The following ANKRD44 variants were observed in gnomAD, a reference collection of about 807,000 sequenced individuals.
The protein encoded by ANKRD44 is serine/threonine-protein phosphatase 6 regulatory ankyrin repeat subunit B.
A neutral mutation model predicts 116.0 loss-of-function variants in ANKRD44; 35 were observed. The ratio of observed to expected loss-of-function variants is 0.30; its 90% CI spans 0.23 to 0.40. The LOEUF (loss-of-function observed/expected upper bound fraction) is 0.40. Among genes scored for constraint, ANKRD44 ranks in the 10% least tolerant of loss-of-function variants. The pLI is 1.00. For synonymous variants in ANKRD44, 435 were observed against 461.8 expected (o/e 0.94, Z 0.74); for missense variants, 1,014 against 1,242.6 (o/e 0.82, Z 2.77).
chr2:197,058,222 T>C (rs2077240524), intron 16 of ANKRD44, among the ~76,000 whole-genome samples: 1 of 152,200 alleles, frequency 6.6e-6, no homozygotes, highest in South Asian at 2.1e-4. Flanking sequence ...AAAAAATTTA[T>C]TGAGATTGCC....
At chr2:197,285,957 A>G (rs933335338) in intron 1 of ANKRD44, among the ~76,000 whole-genome samples, 35 of 152,188 alleles carry the variant, frequency 2.3e-4, no homozygotes, top group African/African-American at 7.5e-4. Context: ...CATCTCTCAC[A>G]CAAAATGCCT....
chr2:197,296,971 TTACTC>T (rs1314908045), intron 1 of ANKRD44, among the ~76,000 whole-genome samples: 1 of 152,220 alleles, frequency 6.6e-6, no homozygotes, highest in African/African-American at 2.4e-5. Context: ...TTTATGAAGA[TTACTC>T]TATCAACTTT....
At chr2:196,978,538 A>G (rs986220726) in intron 21 of ANKRD44, among the ~76,000 whole-genome samples, 1 of 152,224 alleles carries the variant, frequency 6.6e-6, no homozygotes, top group African/African-American at 2.4e-5. Flanking sequence ...TATTTCATTT[A>G]CATGAAATGT....
At position 197,201,556 on chromosome 2, in the gene ANKRD44, G is replaced by A. The variant is rs2081091644; in HGVS notation, c.28-14450C>T. Among the ~76,000 whole-genome samples, 1 of 152,104 alleles carries A rather than the reference G, an allele frequency of 6.6e-6. No homozygotes were observed. The highest frequency in any genetic ancestry group is 2.1e-4 in the South Asian group (1 of 4,818). On this transcript the variant is annotated intron_variant, in intron 1 of 27. Transcript: ENST00000282272. The surrounding 1 kb of genome is among the most constrained non-coding windows in gnomAD (Gnocchi z 4.0). ...CCTCACCAACAATCCCCCTGACGTT[G>A]GCTCTGAATGATGTGGAGACCCTGT... is the stretch of plus-strand genomic sequence containing the variant.
intron 1 of ANKRD44, among the ~76,000 whole-genome samples, chr2:197,204,154 G>C (rs937648013): frequency 1.3e-5 from 2 of 152,044 alleles, no homozygotes; most frequent in Non-Finnish European, 2.9e-5. Flanking sequence ...TATTAAAATT[G>C]GCCTTTTGAG....
intron 2 of ANKRD44, among the ~76,000 whole-genome samples, chr2:197,177,779 C>T (rs1260307899): frequency 2.0e-5 from 3 of 152,058 alleles, no homozygotes; most frequent in Admixed American, 1.3e-4. Context: ...TCTATACCCA[C>T]AAATACACAT....
chr2:197,303,602 G>T (rs1049232579), intron 1 of ANKRD44, among the ~76,000 whole-genome samples: 1 of 152,140 alleles, frequency 6.6e-6, no homozygotes, highest in African/African-American at 2.4e-5. Context: ...GGGGAAAATG[G>T]TCTTCTGGTA....
intron 1 of ANKRD44, among the ~76,000 whole-genome samples, chr2:197,247,717 GCAAGA>G (rs1223175784): frequency 6.6e-6 from 1 of 152,188 alleles, no homozygotes. Context: ...CACAATGGAG[GCAAGA>G]CAAGAACCCA....
rs1361124022 is a variant in ANKRD44 at position 197,201,378 on chromosome 2, A to G, written c.28-14272T>C. Among the ~76,000 whole-genome samples the G allele has an allele frequency of 1.3e-5, 2 of 152,186 alleles. No individual in the cohort carries two copies. The highest frequency in any genetic ancestry group is 2.9e-5 in the Non-Finnish European group (2 of 68,042). On this transcript the variant is annotated intron_variant, in intron 1 of 27. Transcript: ENST00000282272. The surrounding 1 kb of genome is among the most constrained non-coding windows in gnomAD (Gnocchi z 4.0). ...TTGCTGTGTGTTTTTATTTAGCAGAATTTTGAATGCCCGTTGCCTCCGTGG... is the reference window on the plus strand; with the variant it reads ...TTGCTGTGTGTTTTTATTTAGCAGAGTTTTGAATGCCCGTTGCCTCCGTGG...
At chr2:197,163,174 A>C (rs2080012611) in intron 2 of ANKRD44, among the ~76,000 whole-genome samples, 1 of 152,186 alleles carries the variant, frequency 6.6e-6, no homozygotes, top group South Asian at 2.1e-4. Flanking sequence ...TGTTGTTCTA[A>C]ATTAGAGCCA....
chr2:197,147,751 C>T (rs1012549537), intron 2 of ANKRD44: 4 of 362,440 alleles, frequency 1.1e-5, no homozygotes. Context: ...CAATAGTATA[C>T]TAGATACACA....
At chr2:197,122,996 A>G (rs2078893168) in intron 6 of ANKRD44, among the ~76,000 whole-genome samples, 2 of 152,228 alleles carry the variant, frequency 1.3e-5, no homozygotes, top group Non-Finnish European at 2.9e-5. Context: ...CTGTGGGGAG[A>G]AAAAAGATGA....
chr2:197,106,791 A>AATATATATAT (rs564262926), intron 9 of ANKRD44, among the ~76,000 whole-genome samples: 2 of 127,374 alleles, frequency 1.6e-5, no homozygotes, highest in African/African-American at 5.8e-5. Flanking sequence ...CTCCGTCTCA[A>AATATATATAT]ATATATATAT....
chr2:197,074,714 A>G (rs1190068541), intron 16 of ANKRD44, among the ~76,000 whole-genome samples: 4 of 152,144 alleles, frequency 2.6e-5, no homozygotes, highest in Non-Finnish European at 5.9e-5. Flanking sequence ...CCTGGACTCA[A>G]GCAATCCTCC....
rs1050931887 is a variant in ANKRD44, at chr2:196,998,764, C to A, written c.2665+143G>T. 7.2e-6 allele frequency: 8 copies of A among 1,115,702 alleles called. No homozygotes were observed. In the South Asian group the frequency reaches 1.2e-4, roughly 17 times the overall value. 69.1% of individuals were successfully genotyped at this position (1,115,702 alleles called of 1,614,324 possible). A position where few individuals can be genotyped will look rare whatever the true frequency, so the allele number is the denominator to read the frequency against. ...AACAGGGAACTGAAAGACGCTTGAGCAGGTAGAATCAGGTGACTTAAGTAA... is the reference window on the plus strand; with the variant it reads ...AACAGGGAACTGAAAGACGCTTGAGAAGGTAGAATCAGGTGACTTAAGTAA... On this transcript the variant is annotated intron_variant, in intron 24 of 27. Transcript: ENST00000282272.
rs866178145 is a variant in ANKRD44, at chr2:196,995,369, T to C, written c.2831+10A>G. 1 of 1,602,162 alleles carries C rather than the reference T, an allele frequency of 6.2e-7. No individual in the cohort carries two copies. On this transcript the variant is annotated intron_variant, in intron 26 of 27. Transcript: ENST00000282272. ...CTGGGTTCAAGTCCAACTTTAGTAG[T>C]TACACTTACGTCTGCAGTGCATTAT...
chr2:197,258,419 C>T (rs2082513047), intron 1 of ANKRD44, among the ~76,000 whole-genome samples: 2 of 151,866 alleles, frequency 1.3e-5, no homozygotes, highest in African/African-American at 4.8e-5. Flanking sequence ...CTTTACTAGG[C>T]CAGAATTTCC....
chr2:197,089,325 A>T (rs1033229969), intron 11 of ANKRD44, among the ~76,000 whole-genome samples: 1 of 152,198 alleles, frequency 6.6e-6, no homozygotes, highest in African/African-American at 2.4e-5. Flanking sequence ...TTCATAAACA[A>T]TCTTTGCCTT....
At position 196,972,664 on chromosome 2, in the gene ANKRD44, G is replaced by T. The variant is rs180685881; in HGVS notation, c.2369-5218C>A. Among the ~76,000 whole-genome samples the T allele has an allele frequency of 3.3e-5, 5 of 152,196 alleles. No homozygotes were observed. The South Asian group carries it at 8.3e-4, about 25-fold the overall frequency. On this transcript the variant is annotated intron_variant, in intron 21 of 21. Transcript: ENST00000424317. Reference sequence around the variant, plus strand: ...ATATGCAAGTCTATATTTGTAGCCTGCCCAGGACTTGAGAATGTTAGGGGC... The same window carrying T: ...ATATGCAAGTCTATATTTGTAGCCTTCCCAGGACTTGAGAATGTTAGGGGC...
Sources: allele counts gnomAD v4.1 joint callset (sites outside exome capture counted in the v4.1 genomes callset), GRCh38; gene constraint gnomAD v4.1.1; non-coding constraint Gnocchi (gnomAD v3.1); transcripts MANE v1.5; gene names NCBI Gene and HGNC (gene_info 2026-07-23, HGNC 2026-07-21).